CSMD1: variants seen among roughly 807,000 people sequenced by gnomAD.
The protein encoded by CSMD1 is CUB and Sushi multiple domains 1.
CSMD1 carries 213 observed loss-of-function variants against 417.5 expected under a neutral mutation model. The observed-to-expected ratio is 0.51, with a 90% CI of 0.46 to 0.57. CSMD1 has a LOEUF of 0.57. CSMD1 is among the 20% of genes least tolerant of loss of function. The probability of loss-of-function intolerance (pLI) is 0.00; values close to 1 mark genes in which losing one functional copy is unlikely to be tolerated. For synonymous variants in CSMD1, 2,862 were observed against 1,736.8 expected, an observed-to-expected ratio of 1.65 and a Z score of -16.11; for missense variants, 6,923 against 4,529.7, an observed-to-expected ratio of 1.53 and a Z score of -15.17.
At chr8:4,240,577 C>G (rs929156446) in intron 3 of CSMD1, among the ~76,000 whole-genome samples, 1 of 152,130 alleles carries the variant, frequency 6.6e-6, no homozygotes, top group East Asian at 1.9e-4. Flanking sequence ...TTTATTTTAT[C>G]TTTTAGCTCA....
chr8:3,036,503 C>T (rs1810682039), intron 50 of CSMD1, among the ~76,000 whole-genome samples: 1 of 152,110 alleles, frequency 6.6e-6, no homozygotes, highest in African/African-American at 2.4e-5. Flanking sequence ...GATTAGATGT[C>T]ATTGGAGTAA....
intron 5 of CSMD1, among the ~76,000 whole-genome samples, chr8:3,756,776 C>G (rs1185746938): frequency 1.3e-5 from 2 of 151,774 alleles, no homozygotes; most frequent in Admixed American, 1.3e-4. Flanking sequence ...ATGAACGGTT[C>G]TGACTGAAAA....
chr8:4,930,379 A>G (rs1186396944), intron 1 of CSMD1, among the ~76,000 whole-genome samples: 1 of 152,142 alleles, frequency 6.6e-6, no homozygotes, highest in Non-Finnish European at 1.5e-5. Context: ...GCACACACAC[A>G]CACGCATATA....
At chr8:4,717,433 T>TACACTATATATATACAC (rs1808741117) in intron 1 of CSMD1, among the ~76,000 whole-genome samples, 1 of 149,988 alleles carries the variant, frequency 6.7e-6, no homozygotes, top group Non-Finnish European at 1.5e-5. Flanking sequence ...TATATACACA[T>TACACTATATATATACAC]ACACTATATA....
intron 3 of CSMD1, among the ~76,000 whole-genome samples, chr8:4,386,940 A>G (rs1803492613): frequency 2.0e-5 from 3 of 152,234 alleles, no homozygotes; most frequent in Non-Finnish European, 4.4e-5. Context: ...CTATTGATAG[A>G]AAAATCATGA....
intron 2 of CSMD1, among the ~76,000 whole-genome samples, chr8:4,528,724 C>CA (rs988007660): frequency 6.6e-6 from 1 of 151,704 alleles, no homozygotes; most frequent in Non-Finnish European, 1.5e-5. Context: ...TTTTGTAGGT[C>CA]AAAAAAATGT....
intron 1 of CSMD1, among the ~76,000 whole-genome samples, chr8:4,809,355 C>A (rs1798771299): frequency 6.6e-6 from 1 of 152,178 alleles, no homozygotes; most frequent in Non-Finnish European, 1.5e-5. Flanking sequence ...TGGGATGAAA[C>A]AACTGCTTCT....
At chr8:4,475,558 C>T (rs1269734457) in intron 2 of CSMD1, among the ~76,000 whole-genome samples, 3 of 152,058 alleles carry the variant, frequency 2.0e-5, no homozygotes, top group Non-Finnish European at 2.9e-5. Context: ...GCAACCTATA[C>T]GTCTTAAATA....
intron 49 of CSMD1, among the ~76,000 whole-genome samples, chr8:3,058,730 G>C (rs1812399603): frequency 6.6e-6 from 1 of 152,030 alleles, no homozygotes; most frequent in South Asian, 2.1e-4. Flanking sequence ...AGGCTGCGTG[G>C]TCTCGGAGGA....
intron 10 of CSMD1, among the ~76,000 whole-genome samples, chr8:3,524,187 TCA>T (rs1324543083): frequency 8.2e-6 from 1 of 122,422 alleles, no homozygotes; most frequent in Non-Finnish European, 1.8e-5. Flanking sequence ...ATGCACATAC[TCA>T]CATATGCACA....
At position 3,299,970 on chromosome 8, in the gene CSMD1, C is replaced by G. The variant is rs1199772751; in HGVS notation, c.3950+7725G>C. Among the ~76,000 whole-genome samples the G allele has an allele frequency of 2.0e-5, 3 of 152,084 alleles. 1 individual carries two copies. The highest frequency in any genetic ancestry group is 7.2e-5 in the African/African-American group (3 of 41,408). On this transcript the variant is annotated intron_variant, in intron 25 of 69. Transcript: ENST00000635120. Reference sequence around the variant, plus strand: ...AAATGTGCAAACATAGCAAATGCAGCTCTAGAAATTCATCATGAAAAGTGC... The same window carrying G: ...AAATGTGCAAACATAGCAAATGCAGGTCTAGAAATTCATCATGAAAAGTGC...
At chr8:4,778,851 C>A (rs1797006911) in intron 1 of CSMD1, among the ~76,000 whole-genome samples, 1 of 152,142 alleles carries the variant, frequency 6.6e-6, no homozygotes, top group Non-Finnish European at 1.5e-5. Flanking sequence ...ATAGTATTTA[C>A]TTTCAAGAAC....
chr8:3,960,202 T>C (rs1812229611), intron 5 of CSMD1, among the ~76,000 whole-genome samples: 1 of 152,334 alleles, frequency 6.6e-6, no homozygotes, highest in African/African-American at 2.4e-5. Context: ...TTTCTTTCAA[T>C]CATGGAATCT....
intron 2 of CSMD1, among the ~76,000 whole-genome samples, chr8:4,574,788 C>T (rs1393413571): frequency 6.6e-6 from 1 of 152,200 alleles, no homozygotes; most frequent in Non-Finnish European, 1.5e-5. Context: ...CTCATAGTTT[C>T]TGCATTTGCC....
At chr8:4,547,934 T>G (rs1325064726) in intron 2 of CSMD1, among the ~76,000 whole-genome samples, 1 of 152,236 alleles carries the variant, frequency 6.6e-6, no homozygotes, top group Admixed American at 6.5e-5. Flanking sequence ...ACAACTTTGT[T>G]TTGGGTCTGG....
chr8:3,612,991 T>C (rs542001734), intron 8 of CSMD1, among the ~76,000 whole-genome samples: 9 of 151,994 alleles, frequency 5.9e-5, no homozygotes, highest in African/African-American at 9.7e-5. Flanking sequence ...TAAAAGTAAA[T>C]TGTATTTTTT....
intron 3 of CSMD1, among the ~76,000 whole-genome samples, chr8:4,315,635 G>T (rs983662039): frequency 6.6e-6 from 1 of 152,046 alleles, no homozygotes; most frequent in Non-Finnish European, 1.5e-5. Context: ...AAGATAAAAT[G>T]ATTTTATTAT....
chr8:4,406,486 G>C (rs1475379777), intron 3 of CSMD1, among the ~76,000 whole-genome samples: 5 of 152,164 alleles, frequency 3.3e-5, no homozygotes, highest in African/African-American at 9.7e-5. Context: ...GCATTAATTA[G>C]ATGGGAACAA....
intron 45 of CSMD1, among the ~76,000 whole-genome samples, 167 bp downstream of exon 45, chr8:3,107,551 C>T (rs181609540): frequency 2.7e-4 from 41 of 152,106 alleles, no homozygotes; most frequent in African/African-American, 9.9e-4. Context: ...GATACATGAC[C>T]TCCGTATAAG....
Sources: gnomAD v4.1 joint callset for allele counts (sites outside exome capture counted in the v4.1 genomes callset) on GRCh38, gnomAD v4.1.1 for gene constraint, MANE v1.5 for transcripts, NCBI Gene and HGNC (gene_info 2026-07-23, HGNC 2026-07-21) for gene names.